The following TRPM3 variants were observed in gnomAD, a reference collection of about 807,000 sequenced individuals.
TRPM3 encodes the protein long transient receptor potential channel 3.
Under a neutral mutation model 181.2 loss-of-function variants are expected in TRPM3, and 77 were observed. The observed-to-expected ratio is 0.42, with a 90% confidence interval of 0.35 to 0.51. The LOEUF (loss-of-function observed/expected upper bound fraction) is 0.51, where lower values mean the gene tolerates loss of function less well. TRPM3 is among the 20% of genes least tolerant of loss of function. The pLI is 0.01. For missense variants in TRPM3, 1,759 were observed against 2,196.7 expected (o/e 0.80, Z 3.98); for synonymous variants, 745 against 796.4 (o/e 0.94, Z 1.09).
chr9:71,058,589 T>C (rs2060936793), intron 1 of TRPM3, among the ~76,000 whole-genome samples: 1 of 152,078 alleles, frequency 6.6e-6, no homozygotes, highest in East Asian at 1.9e-4. Flanking sequence ...CTGCAATGAA[T>C]GCATTTCTAT....
chr9:70,892,146 A>G (rs1777910832), intron 1 of TRPM3, among the ~76,000 whole-genome samples: 1 of 152,186 alleles, frequency 6.6e-6, no homozygotes, highest in Admixed American at 6.5e-5. Flanking sequence ...CGCCCATGTT[A>G]TTTTAACATT....
chr9:71,187,892 T>C (rs779280880), intron 1 of TRPM3, among the ~76,000 whole-genome samples: 4 of 11,462 alleles, frequency 3.5e-4, no homozygotes, highest in Admixed American at 3.4e-3. Flanking sequence ...AGACAGATGA[T>C]AGATAGATAG....
At chr9:70,753,598 A>C (rs184874358) in intron 8 of TRPM3, among the ~76,000 whole-genome samples, 87 of 152,284 alleles carry the variant, frequency 5.7e-4, no homozygotes, top group African/African-American at 2.0e-3. Context: ...AACTCTCAAC[A>C]AGGCACAAGG....
intron 1 of TRPM3, among the ~76,000 whole-genome samples, chr9:71,111,858 T>C (rs536592667): frequency 6.6e-6 from 1 of 152,228 alleles, no homozygotes; most frequent in Admixed American, 6.5e-5. Context: ...ATTATTGATC[T>C]TAACCAACAA....
At chr9:70,615,498 A>C (rs896247770) in intron 18 of TRPM3, among the ~76,000 whole-genome samples, 4 of 152,234 alleles carry the variant, frequency 2.6e-5, no homozygotes, top group African/African-American at 4.8e-5. Context: ...AGACAGATAC[A>C]GGCTTAGCTT....
intron 1 of TRPM3, among the ~76,000 whole-genome samples, chr9:71,356,068 G>A (rs896309236): frequency 3.3e-5 from 5 of 152,212 alleles, no homozygotes; most frequent in African/African-American, 1.2e-4. Flanking sequence ...TGAAACTTCA[G>A]GCAATAACCA....
chr9:70,644,047 T>A (rs2058457529), intron 9 of TRPM3, among the ~76,000 whole-genome samples: 1 of 152,236 alleles, frequency 6.6e-6, no homozygotes, highest in African/African-American at 2.4e-5. Context: ...ATACATTATT[T>A]CATGCAGTAA....
At chr9:71,070,649 T>C (rs72731767) in intron 1 of TRPM3, among the ~76,000 whole-genome samples, 3 of 152,174 alleles carry the variant, frequency 2.0e-5, no homozygotes, top group Non-Finnish European at 4.4e-5. Context: ...TCACTTTTTT[T>C]AAAAATGATG....
intron 1 of TRPM3, among the ~76,000 whole-genome samples, chr9:71,075,411 G>C (rs2006875530): frequency 6.6e-6 from 1 of 152,178 alleles, no homozygotes; most frequent in South Asian, 2.1e-4. Context: ...AGGGGGTTGA[G>C]TAGGGGCTAA....
At chr9:70,675,331 C>G (rs990295708) in intron 9 of TRPM3, among the ~76,000 whole-genome samples, 2 of 152,028 alleles carry the variant, frequency 1.3e-5, no homozygotes, top group Non-Finnish European at 2.9e-5. Flanking sequence ...GAACTCCTGA[C>G]CTCAGGTGAT....
chr9:71,215,999 GA>G (rs2079841624), intron 1 of TRPM3, among the ~76,000 whole-genome samples: 1 of 152,196 alleles, frequency 6.6e-6, no homozygotes, highest in Non-Finnish European at 1.5e-5. Flanking sequence ...TAATGGCCTA[GA>G]ACCTGCAGAG....
chr9:70,821,860 C>T (rs1382382008), intron 6 of TRPM3, among the ~76,000 whole-genome samples: 1 of 152,192 alleles, frequency 6.6e-6, no homozygotes, highest in African/African-American at 2.4e-5. Flanking sequence ...GCCTATTCTA[C>T]CACTGTAACT....
At chr9:71,289,642 C>T (rs552145576) in intron 1 of TRPM3, among the ~76,000 whole-genome samples, 2 of 152,002 alleles carry the variant, frequency 1.3e-5, no homozygotes, top group African/African-American at 2.4e-5. Flanking sequence ...CCAAGGTGGG[C>T]ATATCACTTG....
intron 8 of TRPM3, among the ~76,000 whole-genome samples, chr9:70,690,800 G>A (rs1488712867): frequency 6.6e-6 from 1 of 152,182 alleles, no homozygotes; most frequent in East Asian, 1.9e-4. Flanking sequence ...ATGCCTGTAA[G>A]CACATATTAG....
chr9:70,661,152 G>A (rs1364397189), intron 9 of TRPM3, among the ~76,000 whole-genome samples: 1 of 151,690 alleles, frequency 6.6e-6, no homozygotes, highest in Non-Finnish European at 1.5e-5. Flanking sequence ...GTCAATAAGT[G>A]TGATATATTA....
At chr9:71,354,444 C>T (rs2091810315) in intron 1 of TRPM3, among the ~76,000 whole-genome samples, 2 of 152,188 alleles carry the variant, frequency 1.3e-5, no homozygotes, top group South Asian at 2.1e-4. Context: ...CGATGGGACC[C>T]GCTTCATAAC....
At chr9:70,828,039 G>A (rs748753811) in intron 5 of TRPM3, 21 bp from the exon 6 acceptor site, 4 of 1,596,128 alleles carry the variant, frequency 2.5e-6, no homozygotes, top group Non-Finnish European at 3.4e-6. Context: ...TCAAATGGAA[G>A]AGGCAGAAGT....
chr9:70,646,926 A>C lies in TRPM3; in HGVS notation c.1346-6266T>G, dbSNP rs1031901472. Among the ~76,000 whole-genome samples, 3 of 151,942 alleles carry C rather than the reference A, an allele frequency of 2.0e-5. No individual in the cohort carries two copies. In the South Asian group the frequency reaches 6.2e-4, roughly 31 times the overall value. Reference sequence around the variant, plus strand: ...TCTATTAGGGACACCTCTATGCACAAGAACTAGAAACCTAGAAGAAATTGA... The same window carrying C: ...TCTATTAGGGACACCTCTATGCACACGAACTAGAAACCTAGAAGAAATTGA... On this transcript the variant is annotated intron_variant, in intron 9 of 25. Coordinates refer to ENST00000677713, the MANE Select transcript of TRPM3 (RefSeq NM_001366145.2).
intron 1 of TRPM3, among the ~76,000 whole-genome samples, chr9:71,443,816 A>G (rs1189925277): frequency 6.6e-6 from 1 of 152,190 alleles, no homozygotes; most frequent in Non-Finnish European, 1.5e-5. Flanking sequence ...CCAGGAGTAT[A>G]GCAGAACTCT....
Sources: allele counts gnomAD v4.1 joint callset (sites outside exome capture counted in the v4.1 genomes callset), GRCh38; gene constraint gnomAD v4.1.1; transcripts MANE v1.5; gene names NCBI Gene and HGNC (gene_info 2026-07-23, HGNC 2026-07-21).